Variants in TMEM220 observed in about 807,000 individuals in gnomAD.
The protein encoded by TMEM220 is transmembrane protein 220.
A neutral mutation model predicts 21.7 loss-of-function variants in TMEM220; 21 were observed. That is an observed-to-expected ratio of 0.97 (90% CI 0.69 to 1.39). The LOEUF is 1.39. Among genes scored for constraint, TMEM220 ranks in the 40% most tolerant of loss-of-function variants. TMEM220 has a pLI of 0.00. For synonymous variants in TMEM220, 80 were observed against 73.6 expected (o/e 1.09, Z -0.45); for missense variants, 191 against 201.9 (o/e 0.95, Z 0.33).
At chr17:10,726,183 T>C (rs1567588143) in intron 3 of TMEM220, 21 bp downstream of exon 3, 2 of 1,605,228 alleles carry the variant, frequency 1.2e-6, no homozygotes, top group Non-Finnish European at 8.5e-7. Context: ...TGTCTCTCCA[T>C]TTAGAATGCA....
chr17:10,719,416 C>T (rs1021026071), intron 5 of TMEM220, among the ~76,000 whole-genome samples: 7 of 151,984 alleles, frequency 4.6e-5, no homozygotes, highest in South Asian at 2.1e-4. Context: ...TACAGGCACC[C>T]GCCACCATGC....
At position 10,715,629 on chromosome 17, in the gene TMEM220, T is replaced by C. The variant is rs769431661; in HGVS notation, c.348-41A>G. 4.0e-6 allele frequency: 6 copies of C among 1,492,738 alleles called. No individual in the cohort carries two copies. In the African/African-American group the frequency reaches 7.1e-5, roughly 18 times the overall value. The allele number at this position is 1,492,738 out of a possible 1,614,324, so 92.5% of individuals were successfully genotyped here. Reference sequence around the variant, plus strand: ...AATTATTATAAATAAAAATCATGGATTGCTTTGGAAACAAGTATAAAGACT... The same window carrying C: ...AATTATTATAAATAAAAATCATGGACTGCTTTGGAAACAAGTATAAAGACT... On this transcript the variant is annotated intron_variant, in intron 5 of 5. Coordinates refer to ENST00000341871, the MANE Select transcript of TMEM220 (RefSeq NM_001004313.3).
chr17:10,719,265 CTATT>C (rs967895333), intron 5 of TMEM220, among the ~76,000 whole-genome samples: 5 of 152,030 alleles, frequency 3.3e-5, no homozygotes, highest in African/African-American at 7.2e-5. Flanking sequence ...TTCTATCTAT[CTATT>C]TATTTATTTA....
chr17:10,729,054 C>A lies in TMEM220; in HGVS notation c.79G>T (p.Asp27Tyr), dbSNP rs2075087684. Residue 27 changes from aspartate (D) to tyrosine (Y), a missense_variant, in exon 2 of 6, where the codon GAC becomes TAC. Coordinates refer to ENST00000341871, the MANE Select transcript of TMEM220 (RefSeq NM_001004313.3). ...FALAALVQVN[D>Y]PDAEVWVVVY... ...ACCACCCACACCTCTGCATCTGGGT[C>A]ATTTACCTGGAACGCCAGAATACCA... The A allele has an allele frequency of 1.2e-6, 2 of 1,614,056 alleles. No individual in the cohort carries two copies. The highest frequency in any genetic ancestry group is 1.7e-6 in the Non-Finnish European group (2 of 1,180,042).
chr17:10,725,362 G>T (rs1196499950), intron 3 of TMEM220, among the ~76,000 whole-genome samples: 2 of 152,156 alleles, frequency 1.3e-5, no homozygotes, highest in Non-Finnish European at 2.9e-5. Context: ...TTCCTAGGAT[G>T]ATTACCCTTA....
intron 2 of TMEM220, 145 bp downstream of exon 2, chr17:10,728,886 A>T: frequency 1.2e-6 from 1 of 809,820 alleles, no homozygotes; most frequent in Non-Finnish European, 2.0e-6. Context: ...TTAATATTTT[A>T]GGAAAAAGCG....
chr17:10,725,246 T>A, intron 3 of TMEM220, 112 bp from the exon 4 acceptor site: 1 of 1,443,270 alleles, frequency 6.9e-7, no homozygotes, highest in Non-Finnish European at 9.4e-7. Flanking sequence ...ACATTCAGAC[T>A]CCCTCAGCCC....
downstream of TMEM220, among the ~76,000 whole-genome samples, chr17:10,711,546 A>T (rs1457856688): frequency 6.6e-6 from 1 of 152,124 alleles, no homozygotes; most frequent in Non-Finnish European, 1.5e-5. Flanking sequence ...GCTTTGGACA[A>T]TTTCTGCTCA....
chr17:10,719,892 A>T (rs190841071), intron 5 of TMEM220, among the ~76,000 whole-genome samples: 16 of 152,356 alleles, frequency 1.1e-4, no homozygotes, highest in Non-Finnish European at 1.9e-4. Context: ...GAATCAGGTT[A>T]AACCTACATT....
chr17:10,715,134 C>A lies in TMEM220; in HGVS notation c.*319G>T. 1 of 197,796 alleles carries A rather than the reference C, an allele frequency of 5.1e-6. No individual in the cohort carries two copies. The highest frequency in any genetic ancestry group is 1.0e-5 in the Non-Finnish European group (1 of 98,668). The allele number at this position is 197,796 out of a possible 1,614,324, so 12.3% of individuals were successfully genotyped here. A position where few individuals can be genotyped will look rare whatever the true frequency, so the allele number is the denominator to read the frequency against. On this transcript the variant is annotated 3_prime_UTR_variant, in exon 6 of 6. Transcript: ENST00000341871. Reference sequence around the variant, plus strand: ...TAATCCTATTTTATAGATAAATATCCACCAGGAGGTTTATATATTTGCCCA... The same window carrying A: ...TAATCCTATTTTATAGATAAATATCAACCAGGAGGTTTATATATTTGCCCA...
At chr17:10,729,210 G>C in intron 1 of TMEM220, 150 bp from the exon 2 acceptor site, 1 of 805,694 alleles carries the variant, frequency 1.2e-6, no homozygotes, top group Non-Finnish European at 2.0e-6. Flanking sequence ...ATATAGTCCA[G>C]ATGAGGACGG....
rs1008465121 is a variant in TMEM220, at chr17:10,715,458, T to G, written c.478A>C (p.Ile160Leu). 6.3e-7 allele frequency: 1 copy of G among 1,580,242 alleles called. No homozygotes were observed. Among genetic ancestry groups the G allele is most frequent in the Non-Finnish European group, 8.5e-7 (1 of 1,172,532 alleles). ...AACGAAGTTCTTGAATTTATTTAAA[T>G]TACTGTCTTGCAGTGAGTTGGCCAA... ...SSWPTHCKTV[I>L] The change falls in exon 6 of 6, where the codon ATT (isoleucine) becomes CTT (leucine). Residue 160 changes from isoleucine (I) to leucine (L), a missense_variant. Ile to Leu is a conservative substitution (Grantham distance 5, BLOSUM62 2). Transcript: ENST00000341871.
rs552748835 is a variant in TMEM220, at chr17:10,713,401, G to A, written c.*2052C>T. The A allele has an allele frequency of 6.6e-6, 1 of 151,834 alleles. No individual in the cohort carries two copies. The highest frequency in any genetic ancestry group is 6.6e-5 in the Admixed American group (1 of 15,256). The allele number at this position is 151,834 out of a possible 1,614,324, so 9.4% of individuals were successfully genotyped here. On this transcript the variant is annotated 3_prime_UTR_variant, in exon 6 of 6. Coordinates refer to ENST00000341871, the MANE Select transcript of TMEM220 (RefSeq NM_001004313.3). ...CTTTTATATGCTTAACTGAAGATGC[G>A]AAAGAGACTATGAATAGTCACATAA...
At chr17:10,728,057 C>G (rs545330699) in intron 2 of TMEM220, among the ~76,000 whole-genome samples, 540 of 151,656 alleles carry the variant, frequency 3.6e-3, no homozygotes, top group African/African-American at 0.012. Flanking sequence ...TTACTTGGGA[C>G]ACTGAGGCAG....
At chr17:10,712,048 A>T (rs1378150773), downstream of TMEM220, among the ~76,000 whole-genome samples, 2 of 152,194 alleles carry the variant, frequency 1.3e-5, no homozygotes, top group Admixed American at 1.3e-4. Flanking sequence ...AAACCAACAT[A>T]TACTTGTTCT....
intron 5 of TMEM220, among the ~76,000 whole-genome samples, chr17:10,722,684 T>C (rs556627547): frequency 1.6e-4 from 24 of 152,330 alleles, no homozygotes; most frequent in Non-Finnish European, 2.8e-4. Context: ...TTCATCGATA[T>C]GTACACACGC....
intron 5 of TMEM220, chr17:10,716,516 T>C (rs1016646853): frequency 1.6e-6 from 1 of 634,358 alleles, no homozygotes; most frequent in Non-Finnish European, 3.0e-6. Context: ...TCTTCATGGC[T>C]TGCAAAAGAC....
chr17:10,726,582 T>C lies in TMEM220; in HGVS notation c.103-318A>G, dbSNP rs745765153. Among the ~76,000 whole-genome samples the C allele has an allele frequency of 4.3e-4, 65 of 152,236 alleles. 1 individual carries two copies. The highest frequency in any genetic ancestry group is 4.4e-4 in the Non-Finnish European group (30 of 68,040). On this transcript the variant is annotated intron_variant, in intron 2 of 5. Coordinates refer to ENST00000341871, the MANE Select transcript of TMEM220 (RefSeq NM_001004313.3). The stretch of plus-strand genomic sequence containing the variant: ...TCCAGTCGCTCCCAAGCAACTTTCA[T>C]GCCCAAATGGCCTTTCCCCACTTGC...
chr17:10,729,922 C>A lies in TMEM220; in HGVS notation c.-71G>T. On this transcript the variant is annotated 5_prime_UTR_variant, in exon 1 of 6. Transcript: ENST00000341871. ...GGCGGTGAGTCCTGCCACGTACGGT[C>A]CGCCTTCCTCCTTGCGCGGAGGGAC... is the stretch of plus-strand genomic sequence containing the variant. The A allele has an allele frequency of 8.0e-7, 1 of 1,248,598 alleles. No homozygotes were observed. Among genetic ancestry groups the A allele is most frequent in the South Asian group, 3.2e-5 (1 of 31,170 alleles). The allele number at this position is 1,248,598 out of a possible 1,614,324, so 77.3% of individuals were successfully genotyped here. A position where few individuals can be genotyped will look rare whatever the true frequency, so the allele number is the denominator to read the frequency against.
Sources: allele counts gnomAD v4.1 joint callset (sites outside exome capture counted in the v4.1 genomes callset), GRCh38; gene constraint gnomAD v4.1.1; transcripts MANE v1.5; gene names NCBI Gene and HGNC (gene_info 2026-07-23, HGNC 2026-07-21).